Variants in PEAK1 observed in about 807,000 individuals in gnomAD.
The protein encoded by PEAK1 is pseudopodium enriched atypical kinase 1.
Under a neutral mutation model 124.7 loss-of-function variants are expected in PEAK1, and 54 were observed. The observed-to-expected ratio is 0.43, with a 90% confidence interval of 0.35 to 0.54. The LOEUF is 0.54. PEAK1 is among the 20% of genes least tolerant of loss of function. The pLI, the probability that PEAK1 is intolerant of heterozygous loss-of-function variation, is 0.01. For missense variants in PEAK1, 2,046 were observed against 2,134.5 expected, an observed-to-expected ratio of 0.96 and a Z score of 0.82; for synonymous variants, 719 against 760.0, an observed-to-expected ratio of 0.95 and a Z score of 0.89.
At chr15:77,344,005 G>A (rs2066713904) in intron 2 of PEAK1, among the ~76,000 whole-genome samples, 1 of 152,160 alleles carries the variant, frequency 6.6e-6, no homozygotes, top group South Asian at 2.1e-4. Flanking sequence ...ACGATTCGTT[G>A]AAAAGACTGT....
chr15:77,115,435 G>GT, intron 9 of PEAK1, 116 bp from the exon 10 acceptor site: 1 of 940,842 alleles, frequency 1.1e-6, no homozygotes, highest in Non-Finnish European at 1.6e-6. Flanking sequence ...TAGTAAAGTT[G>GT]TTCGCAAGGC....
At chr15:77,284,325 C>T (rs975062272) in intron 4 of PEAK1, among the ~76,000 whole-genome samples, 1 of 152,218 alleles carries the variant, frequency 6.6e-6, no homozygotes, top group Admixed American at 6.5e-5. Context: ...TAGCTATTCA[C>T]ATGTGAAGCA....
At chr15:77,321,086 T>A (rs2065182310) in intron 2 of PEAK1, among the ~76,000 whole-genome samples, 2 of 152,230 alleles carry the variant, frequency 1.3e-5, no homozygotes, top group South Asian at 2.1e-4. Flanking sequence ...TGGTTCCAAG[T>A]CTTTGCTATT....
intron 6 of PEAK1, among the ~76,000 whole-genome samples, chr15:77,226,523 T>C (rs966010838): frequency 2.6e-5 from 4 of 152,028 alleles, no homozygotes; most frequent in East Asian, 3.9e-4. Flanking sequence ...CCAGAGAGTG[T>C]TGTGGAATTT....
At chr15:77,265,620 G>A (rs1177396082) in intron 5 of PEAK1, among the ~76,000 whole-genome samples, 1 of 151,998 alleles carries the variant, frequency 6.6e-6, no homozygotes, top group Non-Finnish European at 1.5e-5. Flanking sequence ...GTGCTGGAGA[G>A]GATGTGGAGA....
At chr15:77,176,429 C>A (rs192651203) in intron 7 of PEAK1, among the ~76,000 whole-genome samples, 4 of 152,054 alleles carry the variant, frequency 2.6e-5, no homozygotes, top group African/African-American at 2.4e-5. Context: ...ACCCAAGGAC[C>A]AGCAGCATCA....
chr15:77,341,715 C>T (rs1280131939), intron 2 of PEAK1, among the ~76,000 whole-genome samples: 6 of 152,050 alleles, frequency 3.9e-5, no homozygotes, highest in Admixed American at 1.3e-4. Context: ...AGGGGTCCAC[C>T]ATAAGTTACC....
Position 77,180,511 on chromosome 15 carries a change from G to C in PEAK1, c.1416C>G (p.Cys472Trp), listed in dbSNP as rs776636720. Reference sequence around the variant, plus strand: ...ACACATCCACGACAGTATATGGCTTGCACAATGGCTGTTCCAGGTTCACAA... The same window carrying C: ...ACACATCCACGACAGTATATGGCTTCCACAATGGCTGTTCCAGGTTCACAA... ...YRVVNLEQPL[C>W]KPYTVVDVSA... Residue 472 changes from cysteine (C) to tryptophan (W), a missense_variant, in exon 7 of 10, where the codon TGC becomes TGG. Coordinates refer to ENST00000682557, the MANE Select transcript of PEAK1 (RefSeq NM_001385026.1). 2 of 1,614,076 alleles carry C rather than the reference G, an allele frequency of 1.2e-6. No homozygotes were observed. Among genetic ancestry groups the C allele is most frequent in the Non-Finnish European group, 1.7e-6 (2 of 1,180,006 alleles).
intron 8 of PEAK1, among the ~76,000 whole-genome samples, chr15:77,146,133 T>A (rs1415669018): frequency 1.3e-5 from 2 of 152,074 alleles, no homozygotes; most frequent in African/African-American, 4.8e-5. Flanking sequence ...CCACACACCA[T>A]CACTGTGCAG....
chr15:77,125,478 C>CTG lies in PEAK1; in HGVS notation c.4077+7525_4077+7526dup, dbSNP rs750849074. On this transcript the variant is annotated intron_variant, in intron 9 of 9. Transcript: ENST00000682557. ...TTTGTGCCAAATGATGCTCTCAGCA[C>CTG]TGTGTGTGTGTGTGTGTGTATGTGT... is the stretch of plus-strand genomic sequence containing the variant. 6.2e-3 allele frequency among the ~76,000 whole-genome samples: 936 copies of CTG among 149,948 alleles called. 6 individuals carry two copies. The highest frequency in any genetic ancestry group is 0.031 in the Middle Eastern group (9 of 292).
chr15:77,337,858 A>G (rs2066295348), intron 2 of PEAK1: 2 of 985,194 alleles, frequency 2.0e-6, no homozygotes, highest in Non-Finnish European at 1.2e-6. Context: ...AGGACTTAAG[A>G]AAAAAATCAA....
At position 77,108,910 on chromosome 15, in the gene PEAK1, A is replaced by G. The variant is rs553066902; in HGVS notation, c.*5246T>C. The G allele has an allele frequency of 6.6e-6, 1 of 152,306 alleles. No individual in the cohort carries two copies. Among genetic ancestry groups the G allele is most frequent in the East Asian group, 1.9e-4 (1 of 5,178 alleles). 9.4% of individuals were successfully genotyped at this position (152,306 alleles called of 1,614,324 possible). ...GGAAACATGTAATGGGATGTTGGGA[A>G]TGCAGGCCCTTGCAGCCCACCTAGG... is the stretch of plus-strand genomic sequence containing the variant. On this transcript the variant is annotated 3_prime_UTR_variant, in exon 10 of 10. Coordinates refer to ENST00000682557, the MANE Select transcript of PEAK1 (RefSeq NM_001385026.1).
At chr15:77,246,013 C>CT (rs555544274) in intron 6 of PEAK1, among the ~76,000 whole-genome samples, 406 of 141,160 alleles carry the variant, frequency 2.9e-3, no homozygotes, top group African/African-American at 4.8e-3. Flanking sequence ...ACCTGCTAGA[C>CT]TTTTTTTTTT....
chr15:77,247,016 TC>T (rs2060621088), intron 6 of PEAK1, among the ~76,000 whole-genome samples: 1 of 152,122 alleles, frequency 6.6e-6, no homozygotes, highest in Admixed American at 6.5e-5. Context: ...AGACTCCGTC[TC>T]AAAAAAATAT....
At chr15:77,318,153 T>TTGCA (rs2064989067) in intron 2 of PEAK1, among the ~76,000 whole-genome samples, 1 of 150,746 alleles carries the variant, frequency 6.6e-6, no homozygotes, top group Non-Finnish European at 1.5e-5. Context: ...GGTAACAAAA[T>TTGCA]TGCATGCATG....
chr15:77,113,929 C>T lies in PEAK1; in HGVS notation c.*227G>A. 1.8e-6 allele frequency: 1 copy of T among 544,270 alleles called. No homozygotes were observed. The highest frequency in any genetic ancestry group is 3.2e-6 in the Non-Finnish European group (1 of 308,236). 33.7% of individuals were successfully genotyped at this position (544,270 alleles called of 1,614,324 possible). ...GGATAGAAGGTGTTTCAAGGGAAGGCAACTGCAAGTTTGTGCAGCTGAATT... is the reference window on the plus strand; with the variant it reads ...GGATAGAAGGTGTTTCAAGGGAAGGTAACTGCAAGTTTGTGCAGCTGAATT... On this transcript the variant is annotated 3_prime_UTR_variant, in exon 10 of 10. Transcript: ENST00000682557.
At chr15:77,255,399 T>G in intron 5 of PEAK1, 1 of 982,496 alleles carries the variant, frequency 1.0e-6, no homozygotes, top group Non-Finnish European at 1.2e-6. Flanking sequence ...TTATTTCATA[T>G]TTGAAAACAA....
chr15:77,404,285 G>A, intron 1 of PEAK1: 5 of 985,392 alleles, frequency 5.1e-6, no homozygotes, highest in Non-Finnish European at 6.0e-6. Context: ...TACCTGCAAA[G>A]TGATATTTTA....
intron 8 of PEAK1, among the ~76,000 whole-genome samples, chr15:77,140,403 G>C (rs1180077819): frequency 1.3e-5 from 2 of 152,118 alleles, no homozygotes; most frequent in African/African-American, 4.8e-5. Flanking sequence ...CAACAAGGTG[G>C]GATTTATTCC....
Sources: allele counts gnomAD v4.1 joint callset (sites outside exome capture counted in the v4.1 genomes callset), GRCh38; gene constraint gnomAD v4.1.1; transcripts MANE v1.5; gene names NCBI Gene and HGNC (gene_info 2026-07-23, HGNC 2026-07-21).